The following KCNG2 variants were observed in gnomAD, a reference collection of about 807,000 sequenced individuals.
KCNG2 encodes the protein voltage-gated potassium channel regulatory subunit KCNG2.
A neutral mutation model predicts 12.3 loss-of-function variants in KCNG2; 7 were observed. The ratio of observed to expected loss-of-function variants is 0.57; its 90% confidence interval spans 0.32 to 1.07. The LOEUF (loss-of-function observed/expected upper bound fraction) is 1.07. Among genes scored for constraint, KCNG2 ranks in the 50% least tolerant of loss-of-function variants. The pLI, the probability that KCNG2 is intolerant of heterozygous loss-of-function variation, is 0.04. For missense variants in KCNG2, 703 were observed against 726.0 expected (o/e 0.97, Z 0.36); for synonymous variants, 414 against 351.4 (o/e 1.18, Z -1.99).
chr18:79,885,882 G>A (rs3952443), intron 3 of KCNG2, among the ~76,000 whole-genome samples: 8,144 of 16,586 alleles, frequency 0.49, 1,468 homozygotes, highest in Middle Eastern at 0.68. Context: ...ACGTGGGGAC[G>A]GGGACATGGG....
chr18:79,853,687 G>C (rs2123051958), intron 1 of KCNG2, among the ~76,000 whole-genome samples: 1 of 152,374 alleles, frequency 6.6e-6, no homozygotes, highest in African/African-American at 2.4e-5. Flanking sequence ...CAGGCAGCCG[G>C]TGTCAGCAGC....
Position 79,889,317 on chromosome 18 carries a change from G to A in KCNG2, c.625-9723G>A, listed in dbSNP as rs559030267. On this transcript the variant is annotated intron_variant, in intron 3 of 3. Coordinates refer to ENST00000316249, the MANE Select transcript of KCNG2 (RefSeq NM_012283.2). ...TGGTCCATTTTTTCTTAATTTTTGC[G>A]TATGGTTCAGGTAAGCGCTCAGCTG... Among the ~76,000 whole-genome samples, 27 of 152,180 alleles carry A rather than the reference G, an allele frequency of 1.8e-4. 1 individual carries two copies. The highest frequency in any genetic ancestry group is 6.8e-3 in the Middle Eastern group (2 of 294).
intron 1 of KCNG2, among the ~76,000 whole-genome samples, chr18:79,818,947 C>A (rs1025904584): frequency 6.6e-6 from 1 of 152,218 alleles, no homozygotes; most frequent in Admixed American, 6.5e-5. Flanking sequence ...CCATTGGTGA[C>A]TAATGTCCGA....
Position 79,899,867 on chromosome 18 carries a change from G to T in KCNG2, c.*51G>T, listed in dbSNP as rs773973336. On this transcript the variant is annotated 3_prime_UTR_variant, in exon 4 of 4. Transcript: ENST00000316249. ...CCCTGCCCCCTCCAGCTGCAGCGTC[G>T]GGACCCCCGAGGTGCGCCAAGGGGT... The T allele has an allele frequency of 7.0e-6, 9 of 1,294,698 alleles. No homozygotes were observed. The East Asian group carries it at 2.6e-4, about 37-fold the overall frequency. The allele number at this position is 1,294,698 out of a possible 1,614,324, so 80.2% of individuals were successfully genotyped here. A position where few individuals can be genotyped will look rare whatever the true frequency, so the allele number is the denominator to read the frequency against.
intron 1 of KCNG2, among the ~76,000 whole-genome samples, chr18:79,834,821 A>ATT (rs1978314966): frequency 6.6e-6 from 1 of 152,218 alleles, no homozygotes; most frequent in Non-Finnish European, 1.5e-5. Context: ...GAGCAGGAGG[A>ATT]GCTGGTTCCT....
intron 1 of KCNG2, among the ~76,000 whole-genome samples, chr18:79,841,075 G>A (rs1440861691): frequency 6.6e-6 from 1 of 152,100 alleles, no homozygotes; most frequent in East Asian, 1.9e-4. Context: ...TTCGAGACTA[G>A]CCTGAGCAAC....
intron 3 of KCNG2, among the ~76,000 whole-genome samples, chr18:79,887,147 G>C (rs1416308537): frequency 1.3e-5 from 2 of 149,784 alleles, no homozygotes; most frequent in Non-Finnish European, 2.9e-5. Context: ...CACGGACAGG[G>C]ACACGGGGAC....
chr18:79,821,715 A>G (rs1179153050), intron 1 of KCNG2, among the ~76,000 whole-genome samples: 4 of 151,772 alleles, frequency 2.6e-5, no homozygotes, highest in African/African-American at 9.7e-5. Context: ...TGGTCCTGGC[A>G]CTCTTTTCCC....
intron 1 of KCNG2, among the ~76,000 whole-genome samples, chr18:79,838,027 C>A (rs1046751166): frequency 1.3e-5 from 2 of 152,188 alleles, no homozygotes; most frequent in African/African-American, 4.8e-5. Flanking sequence ...AGAAGCAAGA[C>A]CTTCTTCACA....
At chr18:79,830,931 G>C (rs367783919) in intron 1 of KCNG2, among the ~76,000 whole-genome samples, 148 of 45,698 alleles carry the variant, frequency 3.2e-3, no homozygotes, top group South Asian at 7.5e-3. Context: ...TCGTCAGGAG[G>C]GTTCCCTGCG....
At chr18:79,887,331 G>A (rs1980562688) in intron 3 of KCNG2, among the ~76,000 whole-genome samples, 1 of 152,044 alleles carries the variant, frequency 6.6e-6, no homozygotes, top group Non-Finnish European at 1.5e-5. Context: ...GCCGCCCTGG[G>A]CCAGAGGCCA....
intron 3 of KCNG2, 63 bp downstream of exon 3, chr18:79,864,354 G>T: frequency 8.1e-7 from 1 of 1,228,868 alleles, no homozygotes; most frequent in Non-Finnish European, 1.0e-6. Flanking sequence ...GATCTGGGCT[G>T]CGGGGAGGTG....
intron 1 of KCNG2, among the ~76,000 whole-genome samples, chr18:79,804,231 A>G (rs2087432015): frequency 6.6e-6 from 1 of 152,180 alleles, no homozygotes; most frequent in South Asian, 2.1e-4. Context: ...GGCATTTGAG[A>G]GCGTGTTCTT....
chr18:79,810,025 C>T (rs981444726), intron 1 of KCNG2, among the ~76,000 whole-genome samples: 3 of 152,216 alleles, frequency 2.0e-5, no homozygotes, highest in African/African-American at 7.2e-5. Context: ...CTCGCGGAGC[C>T]GCCCGCCCAT....
intron 2 of KCNG2, among the ~76,000 whole-genome samples, chr18:79,859,025 T>C (rs751402599): frequency 6.6e-6 from 1 of 152,220 alleles, no homozygotes; most frequent in Non-Finnish European, 1.5e-5. Context: ...TACTTGTCAT[T>C]CATTTTCCTG....
intron 3 of KCNG2, among the ~76,000 whole-genome samples, chr18:79,866,412 G>T (rs1443806470): frequency 4.8e-5 from 4 of 83,298 alleles, no homozygotes; most frequent in South Asian, 4.8e-4. Context: ...CTGAGGTCTG[G>T]GTGCTGAGAG....
chr18:79,823,719 C>T (rs1426644465), intron 1 of KCNG2, among the ~76,000 whole-genome samples: 7 of 152,056 alleles, frequency 4.6e-5, no homozygotes, highest in Admixed American at 3.3e-4. Flanking sequence ...TCTTTTTCCA[C>T]GTGTGCCCAG....
At position 79,869,296 on chromosome 18, in the gene KCNG2, G is replaced by A. The variant is rs910933969; in HGVS notation, c.624+5005G>A. ...GGGGAGGGCTCGGCTCAGGGACCAC[G>A]GAAACGCCTGGTCTGCTGCACACGG... On this transcript the variant is annotated intron_variant, in intron 3 of 3. Transcript: ENST00000316249. Among the ~76,000 whole-genome samples, 19 of 152,308 alleles carry A rather than the reference G, an allele frequency of 1.2e-4. No individual in the cohort carries two copies. In the East Asian group the frequency reaches 1.9e-3, roughly 15 times the overall value.
chr18:79,827,362 G>A (rs889643914), intron 1 of KCNG2, among the ~76,000 whole-genome samples: 4 of 152,246 alleles, frequency 2.6e-5, no homozygotes, highest in African/African-American at 9.6e-5. Flanking sequence ...TGCCTCTAAA[G>A]AGTTCTGTTC....
Sources: gnomAD v4.1 joint callset for allele counts (sites outside exome capture counted in the v4.1 genomes callset) on GRCh38, gnomAD v4.1.1 for gene constraint, MANE v1.5 for transcripts, NCBI Gene and HGNC (gene_info 2026-07-23, HGNC 2026-07-21) for gene names.